Variants in CCDC149 observed in about 807,000 individuals in gnomAD.
The protein encoded by CCDC149 is coiled-coil domain containing 149, also known as coiled-coil domain-containing protein 149.
Under a neutral mutation model 59.9 loss-of-function variants are expected in CCDC149, and 45 were observed. The observed-to-expected ratio is 0.75, with a 90% CI of 0.59 to 0.96. The LOEUF (loss-of-function observed/expected upper bound fraction) is 0.96. Among genes scored for constraint, CCDC149 ranks in the 40% least tolerant of loss-of-function variants. The probability of loss-of-function intolerance (pLI) is 0.00; values close to 1 mark genes in which losing one functional copy is unlikely to be tolerated. For missense variants in CCDC149, 584 were observed against 664.7 expected (o/e 0.88, Z 1.33); for synonymous variants, 245 against 260.6 (o/e 0.94, Z 0.58).
intron 1 of CCDC149, among the ~76,000 whole-genome samples, chr4:24,898,050 G>A (rs1720939960): frequency 6.6e-6 from 1 of 152,212 alleles, no homozygotes; most frequent in African/African-American, 2.4e-5. Context: ...GCAGATGGCA[G>A]AGCAAGCAGG....
intron 1 of CCDC149, among the ~76,000 whole-genome samples, chr4:24,946,027 C>T (rs1038638520): frequency 2.0e-5 from 3 of 152,196 alleles, no homozygotes; most frequent in African/African-American, 7.2e-5. Flanking sequence ...AGTACCTCTC[C>T]ATAGGCAAAA....
chr4:24,912,575 G>T (rs1023841780), intron 1 of CCDC149, among the ~76,000 whole-genome samples: 2 of 152,114 alleles, frequency 1.3e-5, no homozygotes, highest in African/African-American at 4.8e-5. Flanking sequence ...CCCTGCCTTG[G>T]GGGGAAGGCC....
At chr4:24,973,445 A>G (rs1173173959) in intron 1 of CCDC149, among the ~76,000 whole-genome samples, 1 of 152,228 alleles carries the variant, frequency 6.6e-6, no homozygotes, top group Non-Finnish European at 1.5e-5. Context: ...TTTACTGTAT[A>G]TCAACTGTAC....
At chr4:24,936,312 A>ATT (rs71187201) in intron 1 of CCDC149, among the ~76,000 whole-genome samples, 10 of 151,912 alleles carry the variant, frequency 6.6e-5, no homozygotes, top group South Asian at 6.2e-4. Flanking sequence ...ATTGCCACAT[A>ATT]TTTTTATAAT....
At chr4:24,838,799 A>G (rs1028505232) in intron 4 of CCDC149, among the ~76,000 whole-genome samples, 9 of 152,038 alleles carry the variant, frequency 5.9e-5, no homozygotes, top group African/African-American at 1.9e-4. Flanking sequence ...AACAAAAAAA[A>G]ACCAACTAGA....
intron 9 of CCDC149, chr4:24,826,967 G>A (rs1178946939): frequency 6.6e-6 from 1 of 152,208 alleles, no homozygotes; most frequent in Non-Finnish European, 1.5e-5. Flanking sequence ...GCAGGATGAG[G>A]GAGATTTTAA....
chr4:24,845,711 A>G lies in CCDC149; in HGVS notation c.372+7361T>C, dbSNP rs564567536. Among the ~76,000 whole-genome samples, 3 of 152,324 alleles carry G rather than the reference A, an allele frequency of 2.0e-5. No individual in the cohort carries two copies. In the South Asian group the frequency reaches 6.2e-4, roughly 32 times the overall value. The stretch of plus-strand genomic sequence containing the variant: ...CCCTAGACCAGTCTGTCCTCAACAA[A>G]TACATGTTGAAATGAATTGACCGAA... On this transcript the variant is annotated intron_variant, in intron 4 of 12. Coordinates refer to ENST00000635206, the MANE Select transcript of CCDC149 (RefSeq NM_001330643.2).
intron 1 of CCDC149, among the ~76,000 whole-genome samples, chr4:24,947,311 A>C (rs113089419): frequency 0.027 from 4,124 of 152,122 alleles, 90 homozygotes; most frequent in Middle Eastern, 0.044. Flanking sequence ...TTCTCATGAG[A>C]TCTGATGGTT....
rs114651913 is a variant in CCDC149 at position 24,856,204 on chromosome 4, T to C, written c.265-3025A>G. ...ACTCCTTTGCAATCCTGCCCCTTTA[T>C]TGTTGATTATTTGTTCATTCATTTA... On this transcript the variant is annotated intron_variant, in intron 3 of 12. Coordinates refer to ENST00000635206, the MANE Select transcript of CCDC149 (RefSeq NM_001330643.2). Among the ~76,000 whole-genome samples, 620 of 152,292 alleles carry C rather than the reference T, an allele frequency of 4.1e-3. 8 individuals carry two copies. Among genetic ancestry groups the C allele is most frequent in the African/African-American group, 0.014 (575 of 41,566 alleles).
intron 1 of CCDC149, among the ~76,000 whole-genome samples, chr4:24,930,904 C>A (rs1334084608): frequency 1.3e-5 from 2 of 152,110 alleles, no homozygotes; most frequent in Non-Finnish European, 2.9e-5. Context: ...GGGAGGGACC[C>A]TCTGGCACAA....
At chr4:24,871,286 G>A (rs147597982) in intron 3 of CCDC149, among the ~76,000 whole-genome samples, 21 of 152,284 alleles carry the variant, frequency 1.4e-4, no homozygotes, top group Middle Eastern at 3.4e-3. Flanking sequence ...GCATAAAAAA[G>A]TCTCAAGGCA....
chr4:24,929,687 T>C (rs994715362), intron 1 of CCDC149, among the ~76,000 whole-genome samples: 9 of 152,228 alleles, frequency 5.9e-5, no homozygotes, highest in Non-Finnish European at 1.3e-4. Context: ...TTCCTCCCTC[T>C]GTGCCTCTGC....
At chr4:24,882,187 C>T (rs1053347990) in intron 1 of CCDC149, among the ~76,000 whole-genome samples, 1 of 152,112 alleles carries the variant, frequency 6.6e-6, no homozygotes, top group African/African-American at 2.4e-5. Context: ...AGATGCAAAG[C>T]CTGAAGGAAG....
intron 3 of CCDC149, among the ~76,000 whole-genome samples, chr4:24,865,254 T>C (rs1031029760): frequency 6.6e-6 from 1 of 152,214 alleles, no homozygotes; most frequent in African/African-American, 2.4e-5. Flanking sequence ...AAAAGTTTGA[T>C]ACTCTGAGAC....
intron 4 of CCDC149, among the ~76,000 whole-genome samples, chr4:24,850,963 C>CTT (rs745536602): frequency 1.4e-5 from 2 of 144,412 alleles, no homozygotes; most frequent in African/African-American, 2.5e-5. Flanking sequence ...TGCAGTTAGA[C>CTT]TTTTTTTTTT....
At chr4:24,845,803 G>A (rs958075777) in intron 4 of CCDC149, among the ~76,000 whole-genome samples, 3 of 152,192 alleles carry the variant, frequency 2.0e-5, no homozygotes, top group African/African-American at 7.2e-5. Context: ...AAGGCACGAA[G>A]AAGTCAAGCA....
chr4:24,835,471 A>G (rs1195361728), intron 7 of CCDC149, among the ~76,000 whole-genome samples: 1 of 152,214 alleles, frequency 6.6e-6, no homozygotes, highest in Non-Finnish European at 1.5e-5. Flanking sequence ...CCGTGGATAC[A>G]GATTAAGGAA....
chr4:24,960,219 A>G (rs981782987), intron 1 of CCDC149, among the ~76,000 whole-genome samples: 5 of 152,346 alleles, frequency 3.3e-5, no homozygotes. Flanking sequence ...CATATACACT[A>G]TAACTCTAAT....
intron 1 of CCDC149, among the ~76,000 whole-genome samples, chr4:24,945,219 G>A (rs1290506962): frequency 4.6e-5 from 7 of 152,096 alleles, no homozygotes; most frequent in Non-Finnish European, 1.0e-4. Flanking sequence ...AACCCAAATC[G>A]ATGTCCACCA....
Sources: allele counts gnomAD v4.1 joint callset (sites outside exome capture counted in the v4.1 genomes callset), GRCh38; gene constraint gnomAD v4.1.1; transcripts MANE v1.5; gene names NCBI Gene and HGNC (gene_info 2026-07-23, HGNC 2026-07-21).